ARHGAP40: variants seen among roughly 807,000 people sequenced by gnomAD.
ARHGAP40 encodes Rho GTPase activating protein 40.
ARHGAP40 carries 43 observed loss-of-function variants against 73.5 expected under a neutral mutation model. That is an observed-to-expected ratio of 0.58 (90% CI 0.46 to 0.75). The LOEUF is 0.75. Among genes scored for constraint, ARHGAP40 ranks in the 30% least tolerant of loss-of-function variants. The pLI, the probability that ARHGAP40 is intolerant of heterozygous loss-of-function variation, is 0.00. For missense variants in ARHGAP40, 734 were observed against 861.8 expected, an observed-to-expected ratio of 0.85 and a Z score of 1.86; for synonymous variants, 300 against 352.8, an observed-to-expected ratio of 0.85 and a Z score of 1.68.
chr20:38,646,146 A>C lies in ARHGAP40; in HGVS notation c.1669A>C (p.Met557Leu), dbSNP rs146739685. 19 of 1,303,974 alleles carry C rather than the reference A, an allele frequency of 1.5e-5. No homozygotes were observed. The East Asian group carries it at 3.9e-4, about 27-fold the overall frequency. The allele number at this position is 1,303,974 out of a possible 1,614,324, so 80.8% of individuals were successfully genotyped here. A position where few individuals can be genotyped will look rare whatever the true frequency, so the allele number is the denominator to read the frequency against. The stretch of plus-strand genomic sequence containing the variant: ...AGGCCTCAAGACTTGGCTGCGGAGG[A>C]TGCACGCAGACAGGGACAAGGCGGG... Residue 557 changes from methionine to leucine, a missense_variant, in exon 12 of 15, where the codon ATG becomes CTG. Transcript: ENST00000373345. This position sits in a 1 kb window ranked among gnomAD's most constrained non-coding sequence, Gnocchi z 4.5.
intron 1 of ARHGAP40, among the ~76,000 whole-genome samples, chr20:38,619,453 G>A (rs895811085): frequency 6.6e-6 from 1 of 151,820 alleles, no homozygotes; most frequent in African/African-American, 2.4e-5. Flanking sequence ...ACATTCATTA[G>A]GGGTTCATGG....
rs538433780 is a variant in ARHGAP40, at chr20:38,629,285, A to G, written c.635-217A>G. 3.3e-5 allele frequency among the ~76,000 whole-genome samples: 5 copies of G among 152,308 alleles called. No homozygotes were observed. The South Asian group carries it at 6.2e-4, about 19-fold the overall frequency. On this transcript the variant is annotated intron_variant, in intron 4 of 14. Coordinates refer to ENST00000373345, the Ensembl canonical transcript of ARHGAP40. ...TCCTGGGGCAGTGAGGGTCTTAGCTAGGAAATCATTTCCTGGGGGCAATGG... is the reference window on the plus strand; with the variant it reads ...TCCTGGGGCAGTGAGGGTCTTAGCTGGGAAATCATTTCCTGGGGGCAATGG...
chr20:38,644,777 T>TCCAC (rs1380528092), intron 11 of ARHGAP40, among the ~76,000 whole-genome samples: 6 of 151,054 alleles, frequency 4.0e-5, no homozygotes, highest in Admixed American at 4.0e-4. Context: ...AATCCATCCA[T>TCCAC]CCACCCACTC....
chr20:38,646,223 C>T lies in ARHGAP40; in HGVS notation c.1710+36C>T, dbSNP rs1690900185. The T allele has an allele frequency of 2.4e-6, 3 of 1,266,754 alleles. No homozygotes were observed. Among genetic ancestry groups the T allele is most frequent in the Non-Finnish European group, 3.1e-6 (3 of 965,922 alleles). The allele number at this position is 1,266,754 out of a possible 1,614,324, so 78.5% of individuals were successfully genotyped here. ...CCGACCCCAGACAGGTGGAGAAGGGCCGAGGCGACAGGAGGGCACCTGGGG... is the reference window on the plus strand; with the variant it reads ...CCGACCCCAGACAGGTGGAGAAGGGTCGAGGCGACAGGAGGGCACCTGGGG... On this transcript the variant is annotated intron_variant, in intron 12 of 14. Coordinates refer to ENST00000373345, the Ensembl canonical transcript of ARHGAP40. The surrounding 1 kb of genome is among the most constrained non-coding windows in gnomAD (Gnocchi z 4.5).
chr20:38,641,747 G>A lies in ARHGAP40; in HGVS notation c.1301G>A (p.Arg434His), dbSNP rs529685265. Residue 434 changes from arginine to histidine, a missense_variant, in exon 10 of 15, where the codon CGC (arginine) becomes CAC (histidine). Arg to His is a conservative substitution (Grantham distance 29, BLOSUM62 0). Coordinates refer to ENST00000373345, the Ensembl canonical transcript of ARHGAP40. ...GCAGACATCCCCAACCTGAAGCAGC[G>A]CCTGCAGGTTCTTCACCTGCTCATC... is the stretch of plus-strand genomic sequence containing the variant. 119 of 1,294,538 alleles carry A rather than the reference G, an allele frequency of 9.2e-5. No individual in the cohort carries two copies. The highest frequency in any genetic ancestry group is 3.8e-4 in the Admixed American group (16 of 41,650). 80.2% of individuals were successfully genotyped at this position (1,294,538 alleles called of 1,614,324 possible). A position where few individuals can be genotyped will look rare whatever the true frequency, so the allele number is the denominator to read the frequency against.
At chr20:38,604,232 A>G (rs2088757522) in intron 1 of ARHGAP40, among the ~76,000 whole-genome samples, 1 of 152,176 alleles carries the variant, frequency 6.6e-6, no homozygotes, top group Non-Finnish European at 1.5e-5. Context: ...TGAGGCAATT[A>G]ATATTGAATT....
At chr20:38,638,358 A>AT (rs1452735465) in intron 7 of ARHGAP40, among the ~76,000 whole-genome samples, 4 of 151,800 alleles carry the variant, frequency 2.6e-5, no homozygotes, top group African/African-American at 7.3e-5. Flanking sequence ...TTTTGTCTTA[A>AT]TTTTTTTTGT....
intron 5 of ARHGAP40, among the ~76,000 whole-genome samples, chr20:38,631,948 T>C (rs1568608926): frequency 6.6e-6 from 1 of 151,792 alleles, no homozygotes; most frequent in Non-Finnish European, 1.5e-5. Context: ...ATAACATTTA[T>C]ATTTATTTAT....
At chr20:38,613,226 A>G (rs2088814242) in intron 1 of ARHGAP40, among the ~76,000 whole-genome samples, 1 of 152,098 alleles carries the variant, frequency 6.6e-6, no homozygotes, top group African/African-American at 2.4e-5. Context: ...AGATTGGTAG[A>G]TCCTGATCTT....
intron 6 of ARHGAP40, among the ~76,000 whole-genome samples, chr20:38,636,077 C>G (rs879289090): frequency 1.9e-4 from 29 of 152,024 alleles, no homozygotes; most frequent in Non-Finnish European, 4.1e-4. Flanking sequence ...GGTTACCATG[C>G]CATTGGTCCA....
At chr20:38,607,463 C>T (rs980661438) in intron 1 of ARHGAP40, among the ~76,000 whole-genome samples, 3 of 152,196 alleles carry the variant, frequency 2.0e-5, no homozygotes, top group African/African-American at 7.2e-5. Flanking sequence ...TCCTCCAGGG[C>T]TCTCCAGCAG....
chr20:38,629,692 G>T, intron 5 of ARHGAP40, 42 bp downstream of exon 5: 1 of 1,298,600 alleles, frequency 7.7e-7, no homozygotes, highest in Non-Finnish European at 1.0e-6. Flanking sequence ...AGGTCCCCCT[G>T]TGCTCAGGCA....
chr20:38,636,115 G>A (rs971417378), intron 6 of ARHGAP40, among the ~76,000 whole-genome samples: 2 of 152,194 alleles, frequency 1.3e-5, no homozygotes, highest in South Asian at 2.1e-4. Flanking sequence ...AGCAAGGGGT[G>A]AGGAAGTACG....
In ARHGAP40 at chr20:38,643,925, G is replaced by A. The variant is rs975143027; in HGVS notation, c.1569+15G>A. 3 of 1,284,670 alleles carry A rather than the reference G, an allele frequency of 2.3e-6. No individual in the cohort carries two copies. Among genetic ancestry groups the A allele is most frequent in the South Asian group, 1.3e-5 (1 of 78,018 alleles). The allele number at this position is 1,284,670 out of a possible 1,614,324, so 79.6% of individuals were successfully genotyped here. A position where few individuals can be genotyped will look rare whatever the true frequency, so the allele number is the denominator to read the frequency against. The stretch of plus-strand genomic sequence containing the variant: ...TGCTGTGGACGGTGAGTGCTGCTGG[G>A]CGCTGGGTATCCCTCTGGGTGCAGC... On this transcript the variant is annotated intron_variant, in intron 11 of 14. Coordinates refer to ENST00000373345, the Ensembl canonical transcript of ARHGAP40.
At chr20:38,639,971 C>T (rs554978376) in intron 9 of ARHGAP40, among the ~76,000 whole-genome samples, 12 of 152,302 alleles carry the variant, frequency 7.9e-5, no homozygotes, top group African/African-American at 2.9e-4. Flanking sequence ...CTGAATTCTC[C>T]AAAAAGCTCC....
At chr20:38,614,804 G>A (rs779005827) in intron 1 of ARHGAP40, 59 of 686,000 alleles carry the variant, frequency 8.6e-5, no homozygotes, top group Middle Eastern at 4.2e-4. Context: ...TTGCACCATC[G>A]CACGTTTTTC....
chr20:38,629,593 G>T (rs1238448322), exon 5 of ARHGAP40: 4 of 1,305,412 alleles, frequency 3.1e-6, no homozygotes, highest in Non-Finnish European at 4.0e-6. Context: ...CGGTGCTCCT[G>T]CAGAGGAGCA....
chr20:38,634,219 G>A (rs1215141033), intron 5 of ARHGAP40, among the ~76,000 whole-genome samples: 1 of 152,070 alleles, frequency 6.6e-6, no homozygotes, highest in Non-Finnish European at 1.5e-5. Context: ...AGGTGTCGAG[G>A]TGCACACCTG....
chr20:38,630,395 A>T (rs1476518072), intron 5 of ARHGAP40, among the ~76,000 whole-genome samples: 2 of 151,214 alleles, frequency 1.3e-5, no homozygotes, highest in Non-Finnish European at 3.0e-5. Flanking sequence ...AATTTTTAAA[A>T]TTTTTTTTAG....
Sources: gnomAD v4.1 joint callset for allele counts (sites outside exome capture counted in the v4.1 genomes callset) on GRCh38, gnomAD v4.1.1 for gene constraint, Gnocchi (gnomAD v3.1) non-coding constraint, MANE v1.5 for transcripts, NCBI Gene and HGNC (gene_info 2026-07-23, HGNC 2026-07-21) for gene names.